Variants in LSM6 observed in about 807,000 individuals in gnomAD.
LSM6 encodes LSM6 homolog, U6 small nuclear RNA and mRNA degradation associated, also known as U6 snRNA-associated Sm-like protein LSm6.
In LSM6, 2 loss-of-function variants were observed where a neutral mutation model predicts 13.5. The observed-to-expected ratio is 0.15, with a 90% CI of 0.06 to 0.47. LSM6 has a LOEUF of 0.47. LSM6 is among the 20% of genes least tolerant of loss of function. LSM6 has a pLI of 0.97. For missense variants in LSM6, 58 were observed against 96.4 expected, an observed-to-expected ratio of 0.60 and a Z score of 1.67; for synonymous variants, 43 against 34.9, an observed-to-expected ratio of 1.23 and a Z score of -0.82.
intron 3 of LSM6, among the ~76,000 whole-genome samples, chr4:146,188,272 C>G (rs1372878539): frequency 1.3e-5 from 2 of 152,118 alleles, no homozygotes; most frequent in Non-Finnish European, 2.9e-5. Flanking sequence ...ATTTGACCTC[C>G]TCTTTTTCCT....
intron 3 of LSM6, chr4:146,187,631 C>T: frequency 2.7e-6 from 1 of 363,824 alleles, no homozygotes; most frequent in South Asian, 3.6e-5. Context: ...GTTCTCCTTA[C>T]CTGGAACCCT....
At chr4:146,187,563 T>A in intron 3 of LSM6, 176 bp downstream of exon 3, 1 of 517,826 alleles carries the variant, frequency 1.9e-6, no homozygotes. Context: ...CTTCATGGAA[T>A]TTTGAAACCA....
chr4:146,186,818 T>C (rs1210524791), intron 2 of LSM6, among the ~76,000 whole-genome samples: 1 of 152,202 alleles, frequency 6.6e-6, no homozygotes, highest in African/African-American at 2.4e-5. Context: ...TCTGCTGCAA[T>C]AGATGTTGTA....
chr4:146,185,061 A>G (rs1206557132), intron 2 of LSM6, among the ~76,000 whole-genome samples: 1 of 152,104 alleles, frequency 6.6e-6, no homozygotes, highest in South Asian at 2.1e-4. Flanking sequence ...CCAATTTCCT[A>G]TTAATGGACA....
rs1730453063 is a variant in LSM6, at chr4:146,190,767, TTGAA to T, written c.*1117_*1120del. 1 of 152,238 alleles carries T rather than the reference TTGAA, an allele frequency of 6.6e-6. No individual in the cohort carries two copies. The allele number at this position is 152,238 out of a possible 1,614,324, so 9.4% of individuals were successfully genotyped here. A position where few individuals can be genotyped will look rare whatever the true frequency, so the allele number is the denominator to read the frequency against. ...CAACAAATATATCTGGGCACTGTGG[TTGAA>T]TGAATACCAGACAATTGTGTGAATG... On this transcript the variant is annotated 3_prime_UTR_variant, in exon 4 of 4. Coordinates refer to ENST00000296581, the MANE Select transcript of LSM6 (RefSeq NM_007080.3).
chr4:146,189,706 A>G lies in LSM6; in HGVS notation c.*50A>G. On this transcript the variant is annotated 3_prime_UTR_variant, in exon 4 of 4. Coordinates refer to ENST00000296581, the MANE Select transcript of LSM6 (RefSeq NM_007080.3). The stretch of plus-strand genomic sequence containing the variant: ...CATAGTTGGATATATTTTTTTATGA[A>G]TTTTTTCTAATTTTTGCTTCTTTTG... 2 of 1,411,010 alleles carry G rather than the reference A, an allele frequency of 1.4e-6. No individual in the cohort carries two copies. Among genetic ancestry groups the G allele is most frequent in the South Asian group, 1.3e-5 (1 of 76,896 alleles). 87.4% of individuals were successfully genotyped at this position (1,411,010 alleles called of 1,614,324 possible). A position where few individuals can be genotyped will look rare whatever the true frequency, so the allele number is the denominator to read the frequency against.
rs184762258 is a variant in LSM6, at chr4:146,190,629, C to T, written c.*973C>T. The T allele has an allele frequency of 1.3e-3, 196 of 152,364 alleles. 1 individual carries two copies. The highest frequency in any genetic ancestry group is 4.3e-3 in the African/African-American group (179 of 41,582). The allele number at this position is 152,364 out of a possible 1,614,324, so 9.4% of individuals were successfully genotyped here. ...GCACCAGGCTTTATGTTGCTTGGCA[C>T]AAGGCAGCTCCTCTGGTTATGTGAC... On this transcript the variant is annotated 3_prime_UTR_variant, in exon 4 of 4. Coordinates refer to ENST00000296581, the MANE Select transcript of LSM6 (RefSeq NM_007080.3).
rs186652177 is a variant in LSM6 at position 146,189,430 on chromosome 4, T to C, written c.209-192T>C. Among the ~76,000 whole-genome samples the C allele has an allele frequency of 3.1e-4, 47 of 152,358 alleles. No individual in the cohort carries two copies. The Middle Eastern group carries it at 0.041, about 133-fold the overall frequency. ...CATGGATGAAATTAGGACAGTTTTG[T>C]AAGACATCAAACCTGGGTGTAGATT... On this transcript the variant is annotated intron_variant, in intron 3 of 3. Coordinates refer to ENST00000296581, the MANE Select transcript of LSM6 (RefSeq NM_007080.3).
At chr4:146,177,424 A>T (rs1730135631) in intron 1 of LSM6, among the ~76,000 whole-genome samples, 1 of 152,210 alleles carries the variant, frequency 6.6e-6, no homozygotes, top group Non-Finnish European at 1.5e-5. Flanking sequence ...CATGGCCAAG[A>T]CTAGAAATCC....
intron 2 of LSM6, among the ~76,000 whole-genome samples, chr4:146,186,664 A>G (rs900721913): frequency 2.0e-5 from 3 of 152,248 alleles, no homozygotes; most frequent in Non-Finnish European, 2.9e-5. Flanking sequence ...GATGTGTTAT[A>G]ATGCAATATG....
chr4:146,179,588 G>C (rs1419174070), intron 1 of LSM6, among the ~76,000 whole-genome samples: 1 of 152,124 alleles, frequency 6.6e-6, no homozygotes, highest in Non-Finnish European at 1.5e-5. Context: ...GTAGAATGTA[G>C]ATATTCTAGA....
chr4:146,175,991 G>C (rs1045621312), intron 1 of LSM6, 180 bp downstream of exon 1: 1 of 152,528 alleles, frequency 6.6e-6, no homozygotes, highest in African/African-American at 2.4e-5. Flanking sequence ...TGGGTGGCGG[G>C]TCCCCGCGAA....
intron 3 of LSM6, among the ~76,000 whole-genome samples, chr4:146,188,530 T>C (rs1231716282): frequency 6.6e-6 from 1 of 152,146 alleles, no homozygotes; most frequent in African/African-American, 2.4e-5. Flanking sequence ...TTAAAGAGGA[T>C]CTTGACTTAT....
chr4:146,186,264 T>C (rs1730346756), intron 2 of LSM6, among the ~76,000 whole-genome samples: 1 of 152,242 alleles, frequency 6.6e-6, no homozygotes, highest in African/African-American at 2.4e-5. Context: ...TCTGGTAGAT[T>C]AATGTCTTTT....
At chr4:146,178,315 TA>T (rs1430541533) in intron 1 of LSM6, among the ~76,000 whole-genome samples, 1 of 152,184 alleles carries the variant, frequency 6.6e-6, no homozygotes, top group Non-Finnish European at 1.5e-5. Context: ...AACAGCCTGA[TA>T]AGGGCCATGA....
At chr4:146,184,246 C>T (rs1469806254) in intron 2 of LSM6, among the ~76,000 whole-genome samples, 2 of 152,244 alleles carry the variant, frequency 1.3e-5, no homozygotes, top group East Asian at 3.9e-4. Flanking sequence ...TTGCCAAACA[C>T]CTGAATTTTG....
rs534425527 is a variant in LSM6, at chr4:146,175,775, G to A, written c.-47G>A. 1 of 152,474 alleles carries A rather than the reference G, an allele frequency of 6.6e-6. No individual in the cohort carries two copies. Among genetic ancestry groups the A allele is most frequent in the Admixed American group, 6.5e-5 (1 of 15,310 alleles). 9.4% of individuals were successfully genotyped at this position (152,474 alleles called of 1,614,324 possible). On this transcript the variant is annotated 5_prime_UTR_variant, in exon 1 of 4. Coordinates refer to ENST00000296581, the MANE Select transcript of LSM6 (RefSeq NM_007080.3). The stretch of plus-strand genomic sequence containing the variant: ...TCATCCGCGGCGGCCGGGCTCGTGG[G>A]GCGCCTGGAGTGAGGGTTCTGGTTC...
intron 3 of LSM6, among the ~76,000 whole-genome samples, chr4:146,188,294 T>C (rs1312336675): frequency 6.6e-6 from 1 of 152,186 alleles, no homozygotes; most frequent in African/African-American, 2.4e-5. Context: ...AGAAATGTTA[T>C]GATCTTGTCT....
chr4:146,187,233 T>C (rs766356120), intron 2 of LSM6, 41 bp from the exon 3 acceptor site: 7 of 1,150,240 alleles, frequency 6.1e-6, no homozygotes, highest in South Asian at 2.5e-5. Flanking sequence ...TCAACTCTTA[T>C]TTGCCTTGTG....
Sources: allele counts gnomAD v4.1 joint callset (sites outside exome capture counted in the v4.1 genomes callset), GRCh38; gene constraint gnomAD v4.1.1; transcripts MANE v1.5; gene names NCBI Gene and HGNC (gene_info 2026-07-23, HGNC 2026-07-21).